The following CENPO variants were observed in gnomAD, a reference collection of about 807,000 sequenced individuals.
CENPO encodes the protein centromeric protein O.
Under a neutral mutation model 36.1 loss-of-function variants are expected in CENPO, and 30 were observed. The ratio of observed to expected loss-of-function variants is 0.83; its 90% CI spans 0.62 to 1.13. The LOEUF is 1.13. CENPO is among the 50% of genes most tolerant of loss of function. The pLI is 0.00. For missense variants in CENPO, 349 were observed against 357.8 expected (o/e 0.98, Z 0.20); for synonymous variants, 171 against 142.3 (o/e 1.20, Z -1.44).
In CENPO at chr2:24,820,651, C is replaced by T. The variant is rs567196676; in HGVS notation, c.*1333C>T. On this transcript the variant is annotated 3_prime_UTR_variant, in exon 8 of 8. Coordinates refer to ENST00000380834, the MANE Select transcript of CENPO (RefSeq NM_001322101.2). Reference sequence around the variant, plus strand: ...AGGGCCAGGGTGGGAGGCAGGGGCACGTGGGAAAGCACTGTTCCGGTTTTG... The same window carrying T: ...AGGGCCAGGGTGGGAGGCAGGGGCATGTGGGAAAGCACTGTTCCGGTTTTG... 6.0e-5 allele frequency: 96 copies of T among 1,590,704 alleles called. 2 individuals are homozygous for T. The South Asian group carries it at 7.3e-4, about 12-fold the overall frequency.
chr2:24,805,661 C>T (rs558557034), intron 3 of CENPO, among the ~76,000 whole-genome samples: 1 of 152,292 alleles, frequency 6.6e-6, no homozygotes, highest in East Asian at 1.9e-4. Context: ...ACAGCAAATG[C>T]TGCTGCCTGA....
At chr2:24,815,257 T>A (rs956025343) in intron 4 of CENPO, among the ~76,000 whole-genome samples, 13 of 146,058 alleles carry the variant, frequency 8.9e-5, no homozygotes, top group South Asian at 2.2e-4. Flanking sequence ...AAAAAAAAAA[T>A]TTCTCAATAG....
At chr2:24,816,506 G>T in intron 5 of CENPO, 140 bp from the exon 6 acceptor site, 1 of 660,090 alleles carries the variant, frequency 1.5e-6, no homozygotes, top group Non-Finnish European at 2.5e-6. Context: ...CCTTTTTTCA[G>T]ACCTTTTTCT....
intron 3 of CENPO, among the ~76,000 whole-genome samples, chr2:24,802,722 T>G (rs1371520009): frequency 6.6e-6 from 1 of 152,202 alleles, no homozygotes; most frequent in Non-Finnish European, 1.5e-5. Context: ...CTGCTGGATT[T>G]GGGTTGCCAG....
chr2:24,818,986 CTTTAGAAGAAAG>C lies in CENPO; in HGVS notation c.*36-363_*36-352del, dbSNP rs1220001718. Among the ~76,000 whole-genome samples the C allele has an allele frequency of 4.6e-5, 7 of 152,320 alleles. No homozygotes were observed. In the East Asian group the frequency reaches 1.3e-3, roughly 29 times the overall value. ...GGGATTAAAGCCAGCTTGGAGTACC[CTTTAGAAGAAAG>C]TTTAAGAATAAAAGAGACAGGGCCA... On this transcript the variant is annotated intron_variant, in intron 7 of 7. Transcript: ENST00000380834.
intron 7 of CENPO, among the ~76,000 whole-genome samples, chr2:24,818,676 AG>A (rs1488765509): frequency 2.7e-4 from 41 of 152,172 alleles, no homozygotes; most frequent in African/African-American, 8.2e-4. Context: ...CCATTAACTC[AG>A]GGGGACTCAG....
Position 24,821,087 on chromosome 2 carries a change from C to T in CENPO, c.*1769C>T. On this transcript the variant is annotated 3_prime_UTR_variant, in exon 8 of 8. Transcript: ENST00000380834. ...GCAGATTTACTCGGCATGGTAGTGG[C>T]CAGCTTCTAACACAGCTGGTATTTC... The T allele has an allele frequency of 1.8e-6, 1 of 546,882 alleles. No homozygotes were observed. The allele number at this position is 546,882 out of a possible 1,614,324, so 33.9% of individuals were successfully genotyped here. A position where few individuals can be genotyped will look rare whatever the true frequency, so the allele number is the denominator to read the frequency against.
intron 6 of CENPO, among the ~76,000 whole-genome samples, chr2:24,817,191 A>G (rs1009311343): frequency 5.3e-5 from 8 of 152,112 alleles, no homozygotes; most frequent in African/African-American, 1.4e-4. Context: ...ACAAATGGAC[A>G]TGACACGTCA....
chr2:24,800,021 C>T (rs777135257), intron 3 of CENPO, among the ~76,000 whole-genome samples, 177 bp downstream of exon 3: 3 of 152,212 alleles, frequency 2.0e-5, no homozygotes, highest in Non-Finnish European at 4.4e-5. Flanking sequence ...CACGGTGGCT[C>T]ATGCCTGTAA....
At chr2:24,800,966 C>T (rs1196832726) in intron 3 of CENPO, among the ~76,000 whole-genome samples, 1 of 152,132 alleles carries the variant, frequency 6.6e-6, no homozygotes, top group African/African-American at 2.4e-5. Context: ...GTTCCTATTT[C>T]TCCACAGCCT....
chr2:24,803,008 C>G (rs1190747649), intron 3 of CENPO, among the ~76,000 whole-genome samples: 1 of 152,112 alleles, frequency 6.6e-6, no homozygotes, highest in East Asian at 1.9e-4. Flanking sequence ...ATTTCAGAGC[C>G]TGTTATTGGT....
chr2:24,816,672 G>A lies in CENPO; in HGVS notation c.621G>A (p.Gly207=), dbSNP rs772352937. The change falls in exon 6 of 8, where the codon GGG becomes GGA. Residue 207 remains glycine (G), a synonymous_variant. Transcript: ENST00000380834. ...LQSDFAALLT[G]PLQRNPLCNL... ...GTGACTTTGCAGCCCTCCTGACTGGGCCCTTGCAGAGAAACCCACTGTGTA... is the reference window on the plus strand; with the variant it reads ...GTGACTTTGCAGCCCTCCTGACTGGACCCTTGCAGAGAAACCCACTGTGTA... 6.2e-7 allele frequency: 1 copy of A among 1,610,900 alleles called. No individual in the cohort carries two copies. Among genetic ancestry groups the A allele is most frequent in the East Asian group, 2.2e-5 (1 of 44,742 alleles).
chr2:24,819,093 TG>T (rs1011131539), intron 7 of CENPO: 4 of 152,774 alleles, frequency 2.6e-5, no homozygotes, highest in African/African-American at 9.6e-5. Context: ...AGGCCTGTGG[TG>T]GGGACCAGTG....
rs886293677 is a variant in CENPO at position 24,820,426 on chromosome 2, T to G, written c.*1108T>G. ...CTGCTCTTCTGTCCCTTTGCCCCTT[T>G]CGTGGAGCTTTTCTGCCAGACGCCA... On this transcript the variant is annotated 3_prime_UTR_variant, in exon 8 of 8. Transcript: ENST00000380834. 1.5e-5 allele frequency: 20 copies of G among 1,321,222 alleles called. No individual in the cohort carries two copies. In the African/African-American group the frequency reaches 3.0e-4, roughly 20 times the overall value. The allele number at this position is 1,321,222 out of a possible 1,614,324, so 81.8% of individuals were successfully genotyped here.
chr2:24,816,793 A>T lies in CENPO; in HGVS notation c.742A>T (p.Thr248Ser). Residue 248 changes from threonine (T) to serine (S), a missense_variant, in exon 6 of 8, where the codon ACT (threonine) becomes TCT (serine). Thr to Ser is a moderately conservative substitution (Grantham distance 58, BLOSUM62 1). Transcript: ENST00000380834. ...TAAGGACCTCACAGCAACTCTTCCC[A>T]CTGACGTCACCGTGACATGTCAAGG... Reference protein sequence around the residue: ...LYKDLTATLPTDVTVTCQGVE... With the variant: ...LYKDLTATLPSDVTVTCQGVE... 1 of 1,604,832 alleles carries T rather than the reference A, an allele frequency of 6.2e-7. No individual in the cohort carries two copies. The highest frequency in any genetic ancestry group is 1.7e-5 in the Admixed American group (1 of 58,232).
At position 24,817,661 on chromosome 2, in the gene CENPO, T is replaced by C; in HGVS notation, c.767-9T>C. 3 of 1,614,190 alleles carry C rather than the reference T, an allele frequency of 1.9e-6. No individual in the cohort carries two copies. The South Asian group carries it at 3.3e-5, about 18-fold the overall frequency. ...CACTGAATGAGATTGATGGAATCTT[T>C]CTTTTTAGGAGTGGAAGTATTATCC... On this transcript the variant is annotated splice_polypyrimidine_tract_variant and intron_variant, in intron 6 of 7. Transcript: ENST00000380834.
At position 24,818,363 on chromosome 2, in the gene CENPO, TAAGG is replaced by T. The variant is rs1252263600; in HGVS notation, c.*35+526_*35+529del. ...AACCCACATTCACTAATGAAGATAA[TAAGG>T]AAGACCCAATATTTTTTTTTTTTTA... On this transcript the variant is annotated intron_variant, in intron 7 of 7. Transcript: ENST00000380834. Among the ~76,000 whole-genome samples, 10 of 152,038 alleles carry T rather than the reference TAAGG, an allele frequency of 6.6e-5. No homozygotes were observed. The East Asian group carries it at 9.6e-4, about 15-fold the overall frequency.
At position 24,822,003 on chromosome 2, in the gene CENPO, G is replaced by T. The variant is rs1667802611; in HGVS notation, c.*2685G>T. ...CACTGGAGGGGGATGACCCGCCTTG[G>T]ACGTGTTTCTTTAACCTCATCCATA... On this transcript the variant is annotated 3_prime_UTR_variant, in exon 8 of 8. Coordinates refer to ENST00000380834, the MANE Select transcript of CENPO (RefSeq NM_001322101.2). 8.3e-6 allele frequency: 2 copies of T among 240,760 alleles called. No individual in the cohort carries two copies. Among genetic ancestry groups the T allele is most frequent in the South Asian group, 1.5e-4 (2 of 13,504 alleles). The allele number at this position is 240,760 out of a possible 1,614,324, so 14.9% of individuals were successfully genotyped here.
At chr2:24,795,012 C>T (rs1329113603) in intron 2 of CENPO, among the ~76,000 whole-genome samples, 1 of 152,122 alleles carries the variant, frequency 6.6e-6, no homozygotes, top group Non-Finnish European at 1.5e-5. Context: ...TAAGCTGAGA[C>T]TTTAGATAAT....
Sources: gnomAD v4.1 joint callset for allele counts (sites outside exome capture counted in the v4.1 genomes callset) on GRCh38, gnomAD v4.1.1 for gene constraint, MANE v1.5 for transcripts, NCBI Gene and HGNC (gene_info 2026-07-23, HGNC 2026-07-21) for gene names.